Variants in ZNF506 observed in about 807,000 individuals in gnomAD.
The protein encoded by ZNF506 is zinc finger protein 506.
A neutral mutation model predicts 11.6 loss-of-function variants in ZNF506; 10 were observed. That is an observed-to-expected ratio of 0.86 (90% CI 0.53 to 1.46). The LOEUF (loss-of-function observed/expected upper bound fraction) is 1.46, where lower values mean the gene tolerates loss of function less well. Ranked by LOEUF, ZNF506 falls within the 40% of genes most tolerant of loss-of-function variation. ZNF506 has a pLI of 0.00. For missense variants in ZNF506, 425 were observed against 521.2 expected (o/e 0.82, Z 1.80); for synonymous variants, 156 against 173.3 (o/e 0.90, Z 0.78).
chr19:19,805,700 T>C (rs981030447), intron 3 of ZNF506, among the ~76,000 whole-genome samples: 1 of 152,154 alleles, frequency 6.6e-6, no homozygotes, highest in Non-Finnish European at 1.5e-5. Context: ...ATCATGCAGA[T>C]ACTTGTGTGT....
intron 1 of ZNF506, among the ~76,000 whole-genome samples, chr19:19,819,343 A>C (rs1159630478): frequency 6.6e-6 from 1 of 152,036 alleles, no homozygotes; most frequent in Non-Finnish European, 1.5e-5. Context: ...GGTTGGGTGA[A>C]GAAAATCTTC....
In ZNF506 at chr19:19,804,047, T is replaced by G. The variant is rs562686166; in HGVS notation, c.226+1984A>C. Among the ~76,000 whole-genome samples the G allele has an allele frequency of 7.9e-5, 12 of 152,222 alleles. No homozygotes were observed. The South Asian group carries it at 2.5e-3, about 32-fold the overall frequency. On this transcript the variant is annotated intron_variant, in intron 3 of 3. Transcript: ENST00000540806. ...TAGGCATGGGCAAGGACTTCATGAC[T>G]AAAACACCAAAAGCAACAAAAGCCA...
rs201098425 is a variant in ZNF506 at position 19,805,995 on chromosome 19, G to C, written c.226+36C>G. 2.6e-6 allele frequency: 4 copies of C among 1,532,332 alleles called. No homozygotes were observed. In the East Asian group the frequency reaches 9.2e-5, roughly 35 times the overall value. 94.9% of individuals were successfully genotyped at this position (1,532,332 alleles called of 1,614,324 possible). On this transcript the variant is annotated intron_variant, in intron 3 of 3. Transcript: ENST00000540806. The stretch of plus-strand genomic sequence containing the variant: ...CTCTTTGACCTTGGGACCTCTATCT[G>C]TGTTGTCTGTCCTATTCATTTTCAC...
chr19:19,817,271 C>T (rs1398354958), intron 1 of ZNF506, among the ~76,000 whole-genome samples: 1 of 152,178 alleles, frequency 6.6e-6, no homozygotes, highest in African/African-American at 2.4e-5. Flanking sequence ...TTTTCACCCT[C>T]CATTTGCCAT....
intron 3 of ZNF506, among the ~76,000 whole-genome samples, chr19:19,801,607 A>G (rs1215980593): frequency 2.0e-5 from 3 of 151,948 alleles, no homozygotes; most frequent in African/African-American, 4.8e-5. Flanking sequence ...CATGGCCAAC[A>G]TGGTGAAACC....
chr19:19,797,842 ATTG>A (rs1440017806), intron 3 of ZNF506: 2 of 152,180 alleles, frequency 1.3e-5, no homozygotes, highest in African/African-American at 4.8e-5. Flanking sequence ...AAACTGTGAT[ATTG>A]TTATTAAAGT....
intron 1 of ZNF506, among the ~76,000 whole-genome samples, chr19:19,820,877 T>C (rs1313267522): frequency 6.6e-6 from 1 of 152,096 alleles, no homozygotes; most frequent in South Asian, 2.1e-4. Context: ...AATTATTTGA[T>C]ATTTTTGCGG....
chr19:19,801,920 C>T, intron 3 of ZNF506, among the ~76,000 whole-genome samples: 1 of 46,240 alleles, frequency 2.2e-5, no homozygotes, highest in South Asian at 4.0e-4. Context: ...CATTGTTAGG[C>T]CAGCCAGGCG....
intron 1 of ZNF506, among the ~76,000 whole-genome samples, chr19:19,817,831 C>CTTT (rs35321486): frequency 3.1e-5 from 4 of 127,634 alleles, no homozygotes; most frequent in East Asian, 2.2e-4. Flanking sequence ...TTTTAAGGTG[C>CTTT]TTTTTTTTTT....
Position 19,806,128 on chromosome 19 carries a change from T to A in ZNF506, c.131-2A>T, listed in dbSNP as rs755565745. 6.3e-7 allele frequency: 1 copy of A among 1,594,668 alleles called. No individual in the cohort carries two copies. The highest frequency in any genetic ancestry group is 1.8e-5 in the Admixed American group (1 of 56,052). On this transcript the variant is annotated splice_acceptor_variant, in intron 2 of 3. Transcript: ENST00000540806. LOFTEE classifies it high-confidence loss of function. Reference sequence around the variant, plus strand: ...GGTTTGGTTTAGAGACAACAATACCTGTTTTATTAAGAATAAATAATATGA... The same window carrying A: ...GGTTTGGTTTAGAGACAACAATACCAGTTTTATTAAGAATAAATAATATGA...
chr19:19,815,237 G>T (rs920278185), intron 1 of ZNF506, among the ~76,000 whole-genome samples: 1 of 152,156 alleles, frequency 6.6e-6, no homozygotes, highest in Non-Finnish European at 1.5e-5. Flanking sequence ...TCCAGCCTGG[G>T]CAACACAGCG....
At chr19:19,809,059 T>C (rs1418110814) in intron 1 of ZNF506, among the ~76,000 whole-genome samples, 2 of 152,124 alleles carry the variant, frequency 1.3e-5, no homozygotes, top group South Asian at 2.1e-4. Flanking sequence ...ATAGAGCTAA[T>C]AGAACACACA....
intron 1 of ZNF506, among the ~76,000 whole-genome samples, chr19:19,810,242 T>G (rs191506704): frequency 3.0e-4 from 46 of 152,324 alleles, no homozygotes; most frequent in African/African-American, 1.0e-3. Context: ...AGCACTCTTG[T>G]CACAACCAAA....
intron 1 of ZNF506, among the ~76,000 whole-genome samples, chr19:19,818,994 AAAC>A (rs942233457): frequency 9.2e-5 from 14 of 152,170 alleles, no homozygotes; most frequent in African/African-American, 3.4e-4. Flanking sequence ...AACAAAACAA[AAAC>A]AACAACAGCA....
rs1408400154 is a variant in ZNF506 at position 19,795,030 on chromosome 19, T to G, written c.857A>C (p.Lys286Thr). The G allele has an allele frequency of 1.9e-6, 3 of 1,613,780 alleles. No homozygotes were observed. Among genetic ancestry groups the G allele is most frequent in the Non-Finnish European group, 2.5e-6 (3 of 1,179,964 alleles). Reference sequence around the variant, plus strand: ...AAAGGCTTTGCCACATTTATCACACTTGTATGGTTTCTCTCCAGTATGAAT... The same window carrying G: ...AAAGGCTTTGCCACATTTATCACACGTGTATGGTTTCTCTCCAGTATGAAT... ...KKIHTGEKPY[K>T]CDKCGKAFIS... is the part of the protein sequence containing the mutation. The change falls in exon 4 of 4, where the codon AAG becomes ACG. Residue 286 changes from lysine to threonine, a missense_variant. This residue lies in a region of ZNF506 where 192 missense variants were observed against 215.7 expected (regional missense o/e 0.89). Transcript: ENST00000540806.
Position 19,794,841 on chromosome 19 carries a change from G to T in ZNF506, c.1046C>A (p.Thr349Asn). The change falls in exon 4 of 4, where the codon ACC (threonine) becomes AAC (asparagine). Residue 349 changes from threonine to asparagine, a missense_variant. Thr to Asn is a moderately conservative substitution (Grantham distance 65). Around this residue, in one of 3 missense-constraint regions of ZNF506, gnomAD observed 192 missense variants for 215.7 expected, o/e 0.89. Transcript: ENST00000540806. The stretch of plus-strand genomic sequence containing the variant: ...AGAGAGGCTTGAGTACCAGGTAAAG[G>T]TTTTGCCACATTCGTCACATTTGTA... Reference protein sequence around the residue: ...VPYKCDECGKTFTWYSSLSKH... With the variant: ...VPYKCDECGKNFTWYSSLSKH... 1 of 1,613,700 alleles carries T rather than the reference G, an allele frequency of 6.2e-7. No individual in the cohort carries two copies. The highest frequency in any genetic ancestry group is 8.5e-7 in the Non-Finnish European group (1 of 1,179,948).
At chr19:19,802,569 A>C (rs976276627) in intron 3 of ZNF506, among the ~76,000 whole-genome samples, 1 of 152,212 alleles carries the variant, frequency 6.6e-6, no homozygotes, top group Non-Finnish European at 1.5e-5. Context: ...TATTATTTAG[A>C]TATAGGCTGA....
intron 1 of ZNF506, among the ~76,000 whole-genome samples, chr19:19,815,722 C>G (rs566531130): frequency 6.6e-6 from 1 of 152,346 alleles, no homozygotes; most frequent in Non-Finnish European, 1.5e-5. Flanking sequence ...CAACATTGTC[C>G]TCATGGCAGA....
At chr19:19,808,840 T>C (rs1166737855) in intron 1 of ZNF506, among the ~76,000 whole-genome samples, 2 of 71,576 alleles carry the variant, frequency 2.8e-5, no homozygotes, top group African/African-American at 7.2e-5. Flanking sequence ...CGAGACTCTG[T>C]CTCAAAAAAA....
Sources: gnomAD v4.1 joint callset for allele counts (sites outside exome capture counted in the v4.1 genomes callset) on GRCh38, gnomAD v4.1.1 for gene constraint, gnomAD v4.1.1 regional missense constraint, MANE v1.5 for transcripts, NCBI Gene and HGNC (gene_info 2026-07-23, HGNC 2026-07-21) for gene names.